FKTN: variants seen among roughly 807,000 people sequenced by gnomAD.
FKTN encodes the protein ribitol-5-phosphate transferase FKTN.
A neutral mutation model predicts 58.6 loss-of-function variants in FKTN; 47 were observed. The ratio of observed to expected loss-of-function variants is 0.80; its 90% confidence interval spans 0.63 to 1.02. FKTN has a LOEUF of 1.02. Among genes scored for constraint, FKTN ranks in the 50% least tolerant of loss-of-function variants. The pLI, the probability that FKTN is intolerant of heterozygous loss-of-function variation, is 0.00. For missense variants in FKTN, 516 were observed against 537.3 expected (o/e 0.96, Z 0.39); for synonymous variants, 178 against 191.9 (o/e 0.93, Z 0.60).
intron 10 of FKTN, among the ~76,000 whole-genome samples, chr9:105,631,269 G>T (rs1291121275): frequency 6.6e-6 from 1 of 152,182 alleles, no homozygotes; most frequent in Admixed American, 6.6e-5. Flanking sequence ...AGGAATGTGT[G>T]CTAGCCCTGC....
intron 1 of FKTN, among the ~76,000 whole-genome samples, chr9:105,571,082 T>C (rs1403065972): frequency 6.6e-6 from 1 of 152,130 alleles, no homozygotes; most frequent in African/African-American, 2.4e-5. Flanking sequence ...TAGGGAACTA[T>C]TGAAAAGTTT....
intron 3 of FKTN, among the ~76,000 whole-genome samples, chr9:105,584,822 A>T (rs1050947277): frequency 2.6e-4 from 39 of 148,112 alleles, no homozygotes; most frequent in Middle Eastern, 3.5e-3. Flanking sequence ...GTGTCTTAAA[A>T]TTTTTTTTTT....
rs756748012 is a variant in FKTN at position 105,604,431 on chromosome 9, G to T, written c.586G>T (p.Asp196Tyr). ...HGHLRLKEHIDRKFVPFRKLQ... is the reference protein window; with the variant it reads ...HGHLRLKEHIYRKFVPFRKLQ... ...CCACTTGAGACTTAAAGAACACATT[G>T]ACAGGAAATTTGTTCCCTTCCGAAA... Residue 196 changes from aspartate to tyrosine, a missense_variant, in exon 6 of 11, where the codon GAC (aspartate) becomes TAC (tyrosine). Transcript: ENST00000357998. 4 of 1,614,008 alleles carry T rather than the reference G, an allele frequency of 2.5e-6. No homozygotes were observed. The Admixed American group carries it at 5.0e-5, about 20-fold the overall frequency.
At position 105,636,280 on chromosome 9, in the gene FKTN, T is replaced by C. The variant is rs1175408091; in HGVS notation, c.*1016T>C. ...TCTTCATTTATCAATTACAGCTTCG[T>C]ATCTCTAATTTATGGTCTATATACC... On this transcript the variant is annotated 3_prime_UTR_variant, in exon 11 of 11. Coordinates refer to ENST00000357998, the MANE Select transcript of FKTN (RefSeq NM_001079802.2). The C allele has an allele frequency of 1.4e-5, 13 of 953,094 alleles. No homozygotes were observed. The highest frequency in any genetic ancestry group is 1.8e-5 in the African/African-American group (1 of 56,520). 59.0% of individuals were successfully genotyped at this position (953,094 alleles called of 1,614,324 possible). A position where few individuals can be genotyped will look rare whatever the true frequency, so the allele number is the denominator to read the frequency against.
chr9:105,621,161 T>C (rs1438110647), intron 10 of FKTN, among the ~76,000 whole-genome samples: 1 of 152,106 alleles, frequency 6.6e-6, no homozygotes, highest in Non-Finnish European at 1.5e-5. Context: ...TGTGAAGTGT[T>C]CTGATTATTT....
intron 3 of FKTN, among the ~76,000 whole-genome samples, chr9:105,581,831 TAGGACC>T: frequency 1.3e-5 from 2 of 152,210 alleles, no homozygotes; most frequent in Non-Finnish European, 2.9e-5. Flanking sequence ...TCCGTGGGCG[TAGGACC>T]CTCCGAGCCA....
chr9:105,581,053 T>C (rs1463469596), intron 3 of FKTN, among the ~76,000 whole-genome samples: 1 of 148,088 alleles, frequency 6.8e-6, no homozygotes, highest in Non-Finnish European at 1.5e-5. Flanking sequence ...TTGGTTATTC[T>C]AGTTATACAT....
chr9:105,635,680 T>A lies in FKTN; in HGVS notation c.*416T>A. 9.4e-7 allele frequency: 1 copy of A among 1,066,872 alleles called. No homozygotes were observed. Among genetic ancestry groups the A allele is most frequent in the South Asian group, 3.2e-5 (1 of 31,596 alleles). The allele number at this position is 1,066,872 out of a possible 1,614,324, so 66.1% of individuals were successfully genotyped here. On this transcript the variant is annotated 3_prime_UTR_variant, in exon 11 of 11. Transcript: ENST00000357998. ...ATACTAGTTGAAAAGAATAACCCAC[T>A]CCTCTTCTGGGCATTTAAGCTGGTA...
rs953294724 is a variant in FKTN at position 105,632,441 on chromosome 9, T to A, written c.1173-2610T>A. 9.4e-3 allele frequency among the ~76,000 whole-genome samples: 1,359 copies of A among 144,240 alleles called. 20 individuals carry two copies. The highest frequency in any genetic ancestry group is 0.036 in the African/African-American group (1,302 of 36,658). The allele number at this position is 144,240 out of a possible 152,430, so 94.6% of individuals were successfully genotyped here. On this transcript the variant is annotated intron_variant, in intron 10 of 10. Transcript: ENST00000357998. Reference sequence around the variant, plus strand: ...TAATAAAAAAAAATATATATATATATAAAAATAAAAAATAAAATAAATAAA... The same window carrying A: ...TAATAAAAAAAAATATATATATATAAAAAAATAAAAAATAAAATAAATAAA...
In FKTN at chr9:105,562,870, G is replaced by A. The variant is rs543120226; in HGVS notation, c.-181+4705G>A. On this transcript the variant is annotated intron_variant, in intron 1 of 10. Transcript: ENST00000357998. ...ACTCCCCAATATCCCCAAATAAGTC[G>A]GGGATCCCACAGCATAAGGATATGG... is the stretch of plus-strand genomic sequence containing the variant. Among the ~76,000 whole-genome samples the A allele has an allele frequency of 1.3e-4, 20 of 152,144 alleles. 1 individual carries two copies. The highest frequency in any genetic ancestry group is 8.3e-4 in the South Asian group (4 of 4,806).
At chr9:105,619,876 G>C (rs1564331131) in intron 9 of FKTN, 58 bp from the exon 10 acceptor site, 1 of 1,474,498 alleles carries the variant, frequency 6.8e-7, no homozygotes, top group African/African-American at 1.4e-5. Context: ...TTAAAAAAAG[G>C]TTTTTAAAAA....
intron 3 of FKTN, among the ~76,000 whole-genome samples, chr9:105,582,520 G>A (rs910780916): frequency 1.3e-5 from 2 of 152,146 alleles, no homozygotes; most frequent in Admixed American, 6.5e-5. Flanking sequence ...TGTTAACAGA[G>A]ATGTGAAATA....
At chr9:105,624,780 T>C (rs1588261583) in intron 10 of FKTN, among the ~76,000 whole-genome samples, 1 of 152,190 alleles carries the variant, frequency 6.6e-6, no homozygotes, top group African/African-American at 2.4e-5. Flanking sequence ...GAATGTCTTG[T>C]TATAGGTGTT....
chr9:105,565,187 C>T (rs184667005), intron 1 of FKTN, among the ~76,000 whole-genome samples: 1 of 152,172 alleles, frequency 6.6e-6, no homozygotes, highest in Admixed American at 6.5e-5. Flanking sequence ...CCAGCCTCTG[C>T]AAAAACATGC....
At position 105,574,932 on chromosome 9, in the gene FKTN, T is replaced by G; in HGVS notation, c.-88-13T>G. The G allele has an allele frequency of 1.3e-6, 1 of 750,180 alleles. No homozygotes were observed. Among genetic ancestry groups the G allele is most frequent in the Non-Finnish European group, 2.4e-6 (1 of 409,636 alleles). The allele number at this position is 750,180 out of a possible 1,614,324, so 46.5% of individuals were successfully genotyped here. On this transcript the variant is annotated splice_polypyrimidine_tract_variant and intron_variant, in intron 2 of 10. Transcript: ENST00000357998. ...GGTTTTTGTTTCTTTAAAAATATCT[T>G]TTTTGTTCACAGAAAACAAAATTAT...
chr9:105,634,986 G>A, intron 10 of FKTN, 65 bp from the exon 11 acceptor site: 1 of 1,259,182 alleles, frequency 7.9e-7, no homozygotes, highest in Non-Finnish European at 1.2e-6. Flanking sequence ...TAATGCACTA[G>A]CAGCTAGATT....
At chr9:105,561,970 C>T (rs189104262) in intron 1 of FKTN, among the ~76,000 whole-genome samples, 2 of 151,492 alleles carry the variant, frequency 1.3e-5, no homozygotes, top group Admixed American at 6.6e-5. Context: ...TTTTCAGACG[C>T]ATTTTCTCTT....
intron 1 of FKTN, among the ~76,000 whole-genome samples, chr9:105,559,809 G>A (rs1837943420): frequency 6.6e-6 from 1 of 152,182 alleles, no homozygotes; most frequent in South Asian, 2.1e-4. Context: ...CTCACAGGTG[G>A]TAGTTAAAAT....
chr9:105,618,107 T>C lies in FKTN; in HGVS notation c.1044+15T>C. 6.2e-7 allele frequency: 1 copy of C among 1,608,366 alleles called. No homozygotes were observed. Among genetic ancestry groups the C allele is most frequent in the Non-Finnish European group, 8.5e-7 (1 of 1,174,776 alleles). ...AATTTGGGAAGGTCAGTAACAAAAG[T>C]CGGCTTCATTTCATAAGTAACATAT... On this transcript the variant is annotated intron_variant, in intron 9 of 10. Coordinates refer to ENST00000357998, the MANE Select transcript of FKTN (RefSeq NM_001079802.2).
Sources: allele counts gnomAD v4.1 joint callset (sites outside exome capture counted in the v4.1 genomes callset), GRCh38; gene constraint gnomAD v4.1.1; transcripts MANE v1.5; gene names NCBI Gene and HGNC (gene_info 2026-07-23, HGNC 2026-07-21).